NGEF: variants seen among roughly 807,000 people sequenced by gnomAD.
NGEF encodes the protein neuronal guanine nucleotide exchange factor, also known as ephexin-1.
In NGEF, 31 loss-of-function variants were observed where a neutral mutation model predicts 80.9. The observed-to-expected ratio is 0.38, with a 90% CI of 0.29 to 0.52. NGEF has a LOEUF of 0.52. Ranked by LOEUF, NGEF falls within the 20% of genes least tolerant of loss-of-function variation. The pLI is 0.84. For synonymous variants in NGEF, 371 were observed against 370.2 expected, an observed-to-expected ratio of 1.00 and a Z score of -0.03; for missense variants, 709 against 926.2, an observed-to-expected ratio of 0.77 and a Z score of 3.04.
intron 1 of NGEF, among the ~76,000 whole-genome samples, chr2:232,978,955 T>C (rs1279869491): frequency 1.3e-5 from 2 of 152,208 alleles, no homozygotes; most frequent in Non-Finnish European, 2.9e-5. Context: ...CTGTAGCCTA[T>C]TGTGCTGTGT....
At chr2:232,920,239 C>A (rs764859669) in intron 5 of NGEF, 45 bp downstream of exon 5, 5 of 1,570,006 alleles carry the variant, frequency 3.2e-6, no homozygotes, top group African/African-American at 1.3e-5. Flanking sequence ...GTGAGGGCCA[C>A]CCCGGTGTGC....
intron 5 of NGEF, among the ~76,000 whole-genome samples, chr2:232,906,362 C>T (rs1283973988): frequency 3.0e-5 from 4 of 132,492 alleles, no homozygotes; most frequent in Non-Finnish European, 3.3e-5. Flanking sequence ...GTCAGCCCCC[C>T]GCCCGGCCAG....
intron 2 of NGEF, among the ~76,000 whole-genome samples, chr2:232,971,181 G>A (rs1015696418): frequency 3.9e-5 from 6 of 152,168 alleles, no homozygotes; most frequent in African/African-American, 1.4e-4. Flanking sequence ...ATCACACATC[G>A]TGACTCCAGA....
intron 3 of NGEF, among the ~76,000 whole-genome samples, chr2:232,952,174 G>A (rs149542981): frequency 6.6e-6 from 1 of 152,198 alleles, no homozygotes; most frequent in African/African-American, 2.4e-5. Context: ...GACTCAGGCG[G>A]ATCTTCAGAT....
At chr2:232,888,527 ACACATACATGCATG>A (rs1190846120) in intron 8 of NGEF, among the ~76,000 whole-genome samples, 1 of 129,634 alleles carries the variant, frequency 7.7e-6, no homozygotes, top group Non-Finnish European at 1.7e-5. Flanking sequence ...ATGTGTGCGC[ACACATACATGCATG>A]CACATACATG....
chr2:232,974,616 T>C lies in NGEF; in HGVS notation c.268+7A>G, dbSNP rs763962710. 1.2e-5 allele frequency: 20 copies of C among 1,613,566 alleles called. No individual in the cohort carries two copies. The highest frequency in any genetic ancestry group is 3.3e-5 in the Admixed American group (2 of 59,946). On this transcript the variant is annotated splice_region_variant and intron_variant, in intron 2 of 14. Transcript: ENST00000264051. Reference sequence around the variant, plus strand: ...GAACAGCCGTGACAGCTGTCCCTGATACTGACCTGCCAGGCAGCTGGCGTT... The same window carrying C: ...GAACAGCCGTGACAGCTGTCCCTGACACTGACCTGCCAGGCAGCTGGCGTT...
Position 232,968,093 on chromosome 2 carries a change from C to CTTTTTTTTTTTTTTTTTTT in NGEF, c.383+2120_383+2121insAAAAAAAAAAAAAAAAAAA, listed in dbSNP as rs1274944227. Among the ~76,000 whole-genome samples, 757 of 125,294 alleles carry CTTTTTTTTTTTTTTTTTTT rather than the reference C, an allele frequency of 6.0e-3. 53 individuals are homozygous for CTTTTTTTTTTTTTTTTTTT. The highest frequency in any genetic ancestry group is 8.4e-3 in the African/African-American group (248 of 29,600). The allele number at this position is 125,294 out of a possible 152,430, so 82.2% of individuals were successfully genotyped here. On this transcript the variant is annotated intron_variant, in intron 3 of 14. Coordinates refer to ENST00000264051, the MANE Select transcript of NGEF (RefSeq NM_019850.3). ...TTGCTGAGGGCAGAAACAGACCTGGCTTTTTTTTTTTTGAGACAAAGTTTC... is the reference window on the plus strand; with the variant it reads ...TTGCTGAGGGCAGAAACAGACCTGGCTTTTTTTTTTTTTTTTTTTTTTTTTTTTTTTGAGACAAAGTTTC...
At chr2:232,981,736 G>A (rs918081394) in intron 1 of NGEF, among the ~76,000 whole-genome samples, 9 of 152,166 alleles carry the variant, frequency 5.9e-5, no homozygotes, top group Admixed American at 3.3e-4. Context: ...GAATGCTTGG[G>A]GAGACTGATT....
intron 1 of NGEF, among the ~76,000 whole-genome samples, chr2:232,988,910 G>T (rs1396185176): frequency 6.6e-6 from 1 of 152,046 alleles, no homozygotes; most frequent in Non-Finnish European, 1.5e-5. Context: ...GAATAGAAGA[G>T]TATATTTTGT....
At position 232,881,201 on chromosome 2, in the gene NGEF, G is replaced by A. The variant is rs780389951; in HGVS notation, c.1887C>T (p.Asp629=). The A allele has an allele frequency of 2.0e-5, 33 of 1,611,362 alleles. No homozygotes were observed. The highest frequency in any genetic ancestry group is 6.7e-5 in the African/African-American group (5 of 74,914). The change falls in exon 14 of 15, where the codon GAC becomes GAT. Residue 629 remains aspartate (D), a synonymous_variant. Coordinates refer to ENST00000264051, the MANE Select transcript of NGEF (RefSeq NM_019850.3). ...CVHPYVAQQP[D]ELTLELADIL... ...TGTCGGCGAGCTCCAGCGTCAGCTC[G>A]TCTGGCTGCTGAGCCACGTATGGGT...
At chr2:232,914,162 G>A (rs780110150) in intron 5 of NGEF, among the ~76,000 whole-genome samples, 2 of 152,276 alleles carry the variant, frequency 1.3e-5, no homozygotes, top group African/African-American at 4.8e-5. Context: ...ACACCACAAC[G>A]ACAGAGCTGG....
At chr2:232,899,056 A>T (rs895013383) in intron 5 of NGEF, among the ~76,000 whole-genome samples, 7 of 148,972 alleles carry the variant, frequency 4.7e-5, no homozygotes, top group African/African-American at 1.7e-4. Flanking sequence ...GGATGTGTGG[A>T]TGTGTGTGTA....
intron 9 of NGEF, 57 bp from the exon 10 acceptor site, chr2:232,885,426 C>T: frequency 1.4e-6 from 2 of 1,476,594 alleles, no homozygotes; most frequent in South Asian, 2.3e-5. Flanking sequence ...CGGCCCCTTC[C>T]TCCAGCTCGG....
intron 1 of NGEF, among the ~76,000 whole-genome samples, chr2:232,991,530 T>C (rs986255458): frequency 1.3e-5 from 2 of 152,074 alleles, no homozygotes; most frequent in African/African-American, 4.8e-5. Context: ...TAGGAATACA[T>C]TTAACAAAAG....
At chr2:232,941,620 G>T (rs561351612) in intron 3 of NGEF, among the ~76,000 whole-genome samples, 2 of 152,222 alleles carry the variant, frequency 1.3e-5, no homozygotes, top group South Asian at 2.1e-4. Flanking sequence ...CCATAAATGT[G>T]TCACTTATGT....
chr2:232,988,323 A>G (rs892677962), intron 1 of NGEF, among the ~76,000 whole-genome samples: 10 of 152,236 alleles, frequency 6.6e-5, no homozygotes, highest in African/African-American at 2.4e-4. Flanking sequence ...TGCAAAGGCT[A>G]TAAACAGCAC....
chr2:232,901,352 C>A (rs549349323), intron 5 of NGEF: 4 of 985,206 alleles, frequency 4.1e-6, no homozygotes, highest in East Asian at 1.1e-4. Context: ...TTCTCCTCCC[C>A]GCTCTTTACC....
At chr2:232,966,285 C>A (rs1389099590) in intron 3 of NGEF, among the ~76,000 whole-genome samples, 1 of 152,162 alleles carries the variant, frequency 6.6e-6, no homozygotes, top group African/African-American at 2.4e-5. Flanking sequence ...TCTTAAGCCT[C>A]GACTCCAGCA....
chr2:232,901,197 C>T (rs1486256860), intron 5 of NGEF, among the ~76,000 whole-genome samples: 1 of 152,224 alleles, frequency 6.6e-6, no homozygotes, highest in African/African-American at 2.4e-5. Context: ...GGCAGTTCAG[C>T]TTGTCCTGCA....
Sources: gnomAD v4.1 joint callset for allele counts (sites outside exome capture counted in the v4.1 genomes callset) on GRCh38, gnomAD v4.1.1 for gene constraint, MANE v1.5 for transcripts, NCBI Gene and HGNC (gene_info 2026-07-23, HGNC 2026-07-21) for gene names.